ANAPC10: variants seen among roughly 807,000 people sequenced by gnomAD.
ANAPC10 encodes the protein anaphase promoting complex subunit 10, also known as anaphase-promoting complex subunit 10.
In ANAPC10, 12 loss-of-function variants were observed where a neutral mutation model predicts 22.0. The observed-to-expected ratio is 0.55, with a 90% CI of 0.35 to 0.88. The LOEUF (loss-of-function observed/expected upper bound fraction) is 0.88. ANAPC10 is among the 40% of genes least tolerant of loss of function. The probability of loss-of-function intolerance (pLI) is 0.01; values close to 1 mark genes in which losing one functional copy is unlikely to be tolerated. For missense variants in ANAPC10, 188 were observed against 220.9 expected, an observed-to-expected ratio of 0.85 and a Z score of 0.94; for synonymous variants, 65 against 69.5, an observed-to-expected ratio of 0.94 and a Z score of 0.32.
Position 145,054,236 on chromosome 4 carries a change from T to A in ANAPC10, c.327+10336A>T, listed in dbSNP as rs149519450. On this transcript the variant is annotated intron_variant, in intron 4 of 4. Coordinates refer to ENST00000507656, the MANE Select transcript of ANAPC10 (RefSeq NM_001256706.2). ...TACTACTGTTTTAATCAGCAACATG[T>A]TAGTCGCCAGAAATATTTACGCAAA... 2.2e-4 allele frequency among the ~76,000 whole-genome samples: 33 copies of A among 151,358 alleles called. No individual in the cohort carries two copies. The East Asian group carries it at 6.3e-3, about 29-fold the overall frequency.
chr4:145,043,655 G>A (rs1739853439), intron 4 of ANAPC10, among the ~76,000 whole-genome samples: 1 of 151,806 alleles, frequency 6.6e-6, no homozygotes, highest in Non-Finnish European at 1.5e-5. Flanking sequence ...TACTATTTTT[G>A]AAGACCATTT....
intron 2 of ANAPC10, among the ~76,000 whole-genome samples, chr4:145,089,226 A>C (rs1052385691): frequency 6.6e-6 from 1 of 152,206 alleles, no homozygotes; most frequent in Non-Finnish European, 1.5e-5. Context: ...ATGAACTTCA[A>C]TAAAAATTTA....
chr4:145,070,588 G>T (rs1419569202), intron 3 of ANAPC10, among the ~76,000 whole-genome samples: 1 of 152,152 alleles, frequency 6.6e-6, no homozygotes, highest in African/African-American at 2.4e-5. Flanking sequence ...CAGTATGGAG[G>T]TGACTCAAAA....
intron 3 of ANAPC10, 59 bp from the exon 4 acceptor site, chr4:145,064,751 A>T: frequency 7.5e-7 from 1 of 1,329,384 alleles, no homozygotes. Flanking sequence ...TTTCCAATGC[A>T]TCTTATCTTC....
At chr4:145,036,064 A>G (rs1358532821) in intron 4 of ANAPC10, among the ~76,000 whole-genome samples, 1 of 152,210 alleles carries the variant, frequency 6.6e-6, no homozygotes, top group Admixed American at 6.5e-5. Context: ...GAAACAAGGT[A>G]AAGTATTAAT....
chr4:145,094,422 CAT>C (rs1018141628), intron 2 of ANAPC10, among the ~76,000 whole-genome samples: 1 of 152,056 alleles, frequency 6.6e-6, no homozygotes, highest in African/African-American at 2.4e-5. Flanking sequence ...TATGACTGTA[CAT>C]GTCTGTAAAA....
rs564591564 is a variant in ANAPC10 at position 145,050,385 on chromosome 4, T to C, written c.327+14187A>G. On this transcript the variant is annotated intron_variant, in intron 4 of 4. Coordinates refer to ENST00000507656, the MANE Select transcript of ANAPC10 (RefSeq NM_001256706.2). ...GCTTTGTTCTTCCATTTATAGCACATGGGCAGAATAAATTTAGCATAATTC... is the reference window on the plus strand; with the variant it reads ...GCTTTGTTCTTCCATTTATAGCACACGGGCAGAATAAATTTAGCATAATTC... 2.0e-4 allele frequency among the ~76,000 whole-genome samples: 31 copies of C among 152,352 alleles called. No individual in the cohort carries two copies. The South Asian group carries it at 6.2e-3, about 31-fold the overall frequency.
intron 4 of ANAPC10, among the ~76,000 whole-genome samples, chr4:145,053,066 G>T (rs1741374616): frequency 6.6e-6 from 1 of 152,096 alleles, no homozygotes; most frequent in Admixed American, 6.6e-5. Context: ...GACTGATGAG[G>T]AAGAAGATTC....
intron 4 of ANAPC10, among the ~76,000 whole-genome samples, chr4:145,060,236 T>C (rs1392965510): frequency 6.6e-6 from 1 of 152,050 alleles, no homozygotes; most frequent in African/African-American, 2.4e-5. Context: ...TCATTAAAAA[T>C]ATTCTGTTTG....
At chr4:145,083,339 T>C (rs1302138371) in intron 2 of ANAPC10, among the ~76,000 whole-genome samples, 1 of 152,204 alleles carries the variant, frequency 6.6e-6, no homozygotes, top group African/African-American at 2.4e-5. Context: ...ACCACACCTC[T>C]GCAGAACATT....
rs954402354 is a variant in ANAPC10, at chr4:144,995,313, T to C, written c.*60A>G. ...CCTTGTTCAATAAAGGTACATGATA[T>C]ATTATTTAAATACAGGATAAAACAA... On this transcript the variant is annotated 3_prime_UTR_variant, in exon 5 of 5. Transcript: ENST00000507656. 44 of 1,075,750 alleles carry C rather than the reference T, an allele frequency of 4.1e-5. No homozygotes were observed. The highest frequency in any genetic ancestry group is 8.5e-5 in the Admixed American group (4 of 47,194). 66.6% of individuals were successfully genotyped at this position (1,075,750 alleles called of 1,614,324 possible).
At chr4:145,096,259 G>T in intron 1 of ANAPC10, 148 bp from the exon 2 acceptor site, 1 of 900,212 alleles carries the variant, frequency 1.1e-6, no homozygotes, top group Non-Finnish European at 1.6e-6. Flanking sequence ...TTAAATCACT[G>T]TAATTTAAAT....
At chr4:145,081,129 T>TA (rs1745953369) in intron 3 of ANAPC10, among the ~76,000 whole-genome samples, 1 of 151,048 alleles carries the variant, frequency 6.6e-6, no homozygotes, top group South Asian at 2.1e-4. Context: ...AAAAATCTGA[T>TA]AATAAATACA....
At chr4:145,026,212 A>G (rs1296148205) in intron 4 of ANAPC10, among the ~76,000 whole-genome samples, 2 of 152,182 alleles carry the variant, frequency 1.3e-5, no homozygotes, top group Non-Finnish European at 2.9e-5. Context: ...GAAAAGACCT[A>G]TACATAATGA....
Position 145,064,492 on chromosome 4 carries a change from T to C in ANAPC10, c.327+80A>G, listed in dbSNP as rs929250095. On this transcript the variant is annotated intron_variant, in intron 4 of 4. Coordinates refer to ENST00000507656, the MANE Select transcript of ANAPC10 (RefSeq NM_001256706.2). ...TTATATATTAACATTTTAACCTGTC[T>C]AATGTAATGTCAACTGTGACTATCT... 6.0e-6 allele frequency: 7 copies of C among 1,165,688 alleles called. No homozygotes were observed. The African/African-American group carries it at 1.1e-4, about 18-fold the overall frequency. The allele number at this position is 1,165,688 out of a possible 1,614,324, so 72.2% of individuals were successfully genotyped here.
chr4:145,043,678 T>C (rs931351224), intron 4 of ANAPC10, among the ~76,000 whole-genome samples: 2 of 152,122 alleles, frequency 1.3e-5, no homozygotes, highest in African/African-American at 4.8e-5. Context: ...AACTTGACTG[T>C]TGTTTTCTGA....
intron 4 of ANAPC10, among the ~76,000 whole-genome samples, chr4:145,046,724 C>T (rs1478502971): frequency 1.3e-5 from 2 of 152,038 alleles, no homozygotes; most frequent in Non-Finnish European, 2.9e-5. Context: ...AAATAACCTA[C>T]ATAGGTTGTT....
rs1208083794 is a variant in ANAPC10, at chr4:144,995,304, T to C, written c.*69A>G. On this transcript the variant is annotated 3_prime_UTR_variant, in exon 5 of 5. Coordinates refer to ENST00000507656, the MANE Select transcript of ANAPC10 (RefSeq NM_001256706.2). ...TAACGGATGCCTTGTTCAATAAAGGTACATGATATATTATTTAAATACAGG... is the reference window on the plus strand; with the variant it reads ...TAACGGATGCCTTGTTCAATAAAGGCACATGATATATTATTTAAATACAGG... 13 of 975,574 alleles carry C rather than the reference T, an allele frequency of 1.3e-5. No homozygotes were observed. Among genetic ancestry groups the C allele is most frequent in the Non-Finnish European group, 2.0e-5 (13 of 647,092 alleles). 60.4% of individuals were successfully genotyped at this position (975,574 alleles called of 1,614,324 possible).
At chr4:145,031,363 T>A (rs1033850781) in intron 4 of ANAPC10, among the ~76,000 whole-genome samples, 1 of 152,178 alleles carries the variant, frequency 6.6e-6, no homozygotes, top group African/African-American at 2.4e-5. Context: ...TCCGGGACCG[T>A]CGACCTCAGT....
Sources: allele counts gnomAD v4.1 joint callset (sites outside exome capture counted in the v4.1 genomes callset), GRCh38; gene constraint gnomAD v4.1.1; transcripts MANE v1.5; gene names NCBI Gene and HGNC (gene_info 2026-07-23, HGNC 2026-07-21).